Variants in FAAP20 observed in about 807,000 individuals in gnomAD.
The protein encoded by FAAP20 is FA core complex associated protein 20.
FAAP20 carries 12 observed loss-of-function variants against 16.2 expected under a neutral mutation model. The observed-to-expected ratio is 0.74, with a 90% CI of 0.48 to 1.20. The LOEUF (loss-of-function observed/expected upper bound fraction) is 1.20. Among genes scored for constraint, FAAP20 ranks in the 50% most tolerant of loss-of-function variants. The pLI, the probability that FAAP20 is intolerant of heterozygous loss-of-function variation, is 0.00. For missense variants in FAAP20, 288 were observed against 245.8 expected (o/e 1.17, Z -1.15); for synonymous variants, 141 against 110.7 (o/e 1.27, Z -1.72).
chr1:2,189,867 G>A (rs890124827), intron 3 of FAAP20, 86 bp from the exon 4 acceptor site: 7 of 1,037,624 alleles, frequency 6.7e-6, no homozygotes, highest in Middle Eastern at 2.1e-4. Context: ...GGCCCTCTCT[G>A]CTCCTGCCGC....
At chr1:2,209,243 C>G (rs1239131461), downstream of FAAP20, among the ~76,000 whole-genome samples, 1 of 152,202 alleles carries the variant, frequency 6.6e-6, no homozygotes, top group Non-Finnish European at 1.5e-5. Flanking sequence ...TGCTGGCCCC[C>G]GCCCCGAAAG....
chr1:2,201,344 C>T, upstream of FAAP20: 2 of 789,752 alleles, frequency 2.5e-6, no homozygotes, highest in Non-Finnish European at 3.2e-6. Context: ...AGGACTGGGA[C>T]ACCCGTGGGC....
intron 3 of FAAP20, chr1:2,190,031 G>T (rs1688006991): frequency 3.3e-6 from 2 of 603,618 alleles, no homozygotes; most frequent in East Asian, 5.9e-5. Flanking sequence ...TGGGGAAGCT[G>T]TGTCTCAACA....
chr1:2,197,539 C>T (rs1471078338), upstream of FAAP20, among the ~76,000 whole-genome samples: 3 of 152,216 alleles, frequency 2.0e-5, no homozygotes, highest in Non-Finnish European at 4.4e-5. Context: ...GCCCCCATCC[C>T]CTTGAGTCTT....
chr1:2,194,594 C>T, intron 1 of FAAP20, 94 bp downstream of exon 1: 1 of 651,138 alleles, frequency 1.5e-6, no homozygotes, highest in Non-Finnish European at 2.0e-6. Context: ...GAGCCCTCCC[C>T]AGGGGGAGAA....
downstream of FAAP20, among the ~76,000 whole-genome samples, chr1:2,207,258 G>T (rs937136079): frequency 5.9e-5 from 9 of 152,170 alleles, no homozygotes; most frequent in Admixed American, 5.2e-4. Context: ...TGCATCCAGG[G>T]TGTCTTGTCC....
At chr1:2,206,946 T>C (rs1689280942) in intron 1 of FAAP20, among the ~76,000 whole-genome samples, 1 of 151,242 alleles carries the variant, frequency 6.6e-6, no homozygotes, top group Admixed American at 6.6e-5. Context: ...CTCAGATCGG[T>C]GACCTGCACT....
In FAAP20 at chr1:2,193,905, G is replaced by A. The variant is rs769326838; in HGVS notation, c.204C>T (p.Pro68=). 1 of 1,612,062 alleles carries A rather than the reference G, an allele frequency of 6.2e-7. No homozygotes were observed. The highest frequency in any genetic ancestry group is 8.5e-7 in the Non-Finnish European group (1 of 1,179,672). Residue 68 remains proline, a synonymous_variant, in exon 3 of 4, where the codon CCC becomes CCT. Coordinates refer to ENST00000378546, the MANE Select transcript of FAAP20 (RefSeq NM_182533.4). ...CTTCAGTGGGCTCCGGGCCGCACCT[G>A]GGCTCCTGCAACACAGAGTTGTTGG... ...PSLPAFPGQE[P]RCGPEPTEVF... is the part of the protein sequence containing the mutation.
At position 2,194,062 on chromosome 1, in the gene FAAP20, C is replaced by T. The variant is rs374162713; in HGVS notation, c.134G>A (p.Arg45His). 4.8e-5 allele frequency: 78 copies of T among 1,612,538 alleles called. No homozygotes were observed. The highest frequency in any genetic ancestry group is 5.6e-5 in the Non-Finnish European group (66 of 1,179,970). The change falls in exon 2 of 4, where the codon CGC becomes CAC. Residue 45 changes from arginine to histidine, a missense_variant. Transcript: ENST00000378546. ...ERERLWAELLRTVSPELILDH... is the reference protein window; with the variant it reads ...ERERLWAELLHTVSPELILDH... ...CAGGATCAGCTCCGGGCTCACCGTG[C>T]GCAGTAGCTCGGCCCAGAGCCGCTC...
At chr1:2,186,068 G>A, downstream of FAAP20, 1 of 454,206 alleles carries the variant, frequency 2.2e-6, no homozygotes, top group Non-Finnish European at 4.4e-6. Flanking sequence ...CCAGCTGCCA[G>A]GTGTCAGGTG....
chr1:2,203,657 G>A (rs145187530), upstream of FAAP20: 461 of 985,808 alleles, frequency 4.7e-4, no homozygotes, highest in Middle Eastern at 0.013. Flanking sequence ...TATCAGGCTG[G>A]GGCCGGCTGC....
chr1:2,211,900 CTTTTTT>C (rs60874812), downstream of FAAP20, among the ~76,000 whole-genome samples: 1 of 99,014 alleles, frequency 1.0e-5, no homozygotes, highest in Non-Finnish European at 1.8e-5. Context: ...CAAGCTGCTG[CTTTTTT>C]TTTTTTTTTT....
chr1:2,197,406 C>T (rs993930909), upstream of FAAP20, among the ~76,000 whole-genome samples: 4 of 152,232 alleles, frequency 2.6e-5, no homozygotes, highest in East Asian at 1.9e-4. Flanking sequence ...CTGCGCTGCC[C>T]GGCTGGCGCA....
rs1239774284 is a variant in FAAP20, at chr1:2,193,757, G to C, written c.352C>G (p.Leu118Val). The C allele has an allele frequency of 6.3e-7, 1 of 1,592,666 alleles. No homozygotes were observed. The change falls in exon 3 of 4, where the codon CTG becomes GTG. Residue 118 changes from leucine (L) to valine (V), a missense_variant. Leu to Val is a conservative substitution (Grantham distance 32, BLOSUM62 1). Transcript: ENST00000378546. ...GGHLESPARSLPQRPAPDPCR... is the reference protein window; with the variant it reads ...GGHLESPARSVPQRPAPDPCR... The stretch of plus-strand genomic sequence containing the variant: ...GGATCAGGTGCCGGGCGCTGGGGCA[G>C]GGACCTGGCGGGGGATTCCAGGTGC...
At chr1:2,185,177 G>GTCCC, downstream of FAAP20, 3 of 732,188 alleles carry the variant, frequency 4.1e-6, no homozygotes, top group Admixed American at 6.1e-5. Context: ...GAGCAGAACA[G>GTCCC]TCCCTCACAC....
At chr1:2,186,504 C>CG (rs1056662021), downstream of FAAP20, among the ~76,000 whole-genome samples, 92 of 150,090 alleles carry the variant, frequency 6.1e-4, 3 homozygotes, top group Middle Eastern at 3.4e-3. Flanking sequence ...CCGCCCCCCC[C>CG]CGGCCAGCTC....
chr1:2,199,556 G>C, upstream of FAAP20: 1 of 986,032 alleles, frequency 1.0e-6, no homozygotes, highest in African/African-American at 1.7e-5. This position sits in a 1 kb window ranked among gnomAD's most constrained non-coding sequence, Gnocchi z 4.5. Context: ...GAGCCGGTCA[G>C]GGAGTGGAGA....
At chr1:2,207,906 A>C (rs1689320021), downstream of FAAP20, among the ~76,000 whole-genome samples, 1 of 117,282 alleles carries the variant, frequency 8.5e-6, no homozygotes, top group Non-Finnish European at 1.8e-5. Context: ...TTTTGGTAAC[A>C]CCCGTGTGTG....
rs1281814993 is a variant in FAAP20 at position 2,189,793 on chromosome 1, G to A, written c.471-12C>T. 1 of 1,606,060 alleles carries A rather than the reference G, an allele frequency of 6.2e-7. No individual in the cohort carries two copies. Among genetic ancestry groups the A allele is most frequent in the Non-Finnish European group, 8.5e-7 (1 of 1,173,782 alleles). The stretch of plus-strand genomic sequence containing the variant: ...CCAGCTGGGTCAGCCTGCAAGGGAG[G>A]GGCCACACTCACTCGGCCACCTCCG... On this transcript the variant is annotated splice_polypyrimidine_tract_variant and intron_variant, in intron 3 of 3. Coordinates refer to ENST00000378546, the MANE Select transcript of FAAP20 (RefSeq NM_182533.4).
Sources: gnomAD v4.1 joint callset for allele counts (sites outside exome capture counted in the v4.1 genomes callset) on GRCh38, gnomAD v4.1.1 for gene constraint, Gnocchi (gnomAD v3.1) non-coding constraint, MANE v1.5 for transcripts, NCBI Gene and HGNC (gene_info 2026-07-23, HGNC 2026-07-21) for gene names.